Variants in ULK4 observed in about 807,000 individuals in gnomAD.
The protein encoded by ULK4 is inactive serine/threonine-protein kinase ULK4.
ULK4 carries 133 observed loss-of-function variants against 160.6 expected under a neutral mutation model. The observed-to-expected ratio is 0.83, with a 90% CI of 0.72 to 0.96. The LOEUF is 0.96. Among genes scored for constraint, ULK4 ranks in the 40% least tolerant of loss-of-function variants. ULK4 has a pLI of 0.00. For synonymous variants in ULK4, 534 were observed against 539.8 expected, an observed-to-expected ratio of 0.99 and a Z score of 0.15; for missense variants, 1,580 against 1,499.5, an observed-to-expected ratio of 1.05 and a Z score of -0.89.
chr3:41,862,790 C>A, intron 17 of ULK4, among the ~76,000 whole-genome samples: 1 of 73,762 alleles, frequency 1.4e-5, no homozygotes, highest in Admixed American at 1.1e-4. Flanking sequence ...TCTCTCCGCT[C>A]CCCCCCCCCT....
intron 2 of ULK4, among the ~76,000 whole-genome samples, chr3:41,951,144 CAAAA>C (rs34524276): frequency 4.6e-5 from 3 of 64,658 alleles, no homozygotes; most frequent in South Asian, 9.4e-4. Flanking sequence ...GGCTTCGTCT[CAAAA>C]AAAAAAAAAA....
At chr3:41,816,505 A>AT (rs1287349830) in intron 19 of ULK4, among the ~76,000 whole-genome samples, 10 of 152,198 alleles carry the variant, frequency 6.6e-5, no homozygotes, top group Admixed American at 5.2e-4. Flanking sequence ...AATCAGAGAA[A>AT]TACATGTTAA....
chr3:41,503,586 C>T (rs1182107082), intron 32 of ULK4, among the ~76,000 whole-genome samples: 3 of 152,180 alleles, frequency 2.0e-5, no homozygotes, highest in Admixed American at 1.3e-4. Context: ...TGCCAGCTGT[C>T]AGCTCTAGCT....
Position 41,620,618 on chromosome 3 carries a change from AAAT to A in ULK4, c.3072-4904_3072-4902del, listed in dbSNP as rs577228769. On this transcript the variant is annotated intron_variant, in intron 30 of 36. Coordinates refer to ENST00000301831, the MANE Select transcript of ULK4 (RefSeq NM_017886.4). The stretch of plus-strand genomic sequence containing the variant: ...CTAGGTATTGATGGAACATATGTCA[AAAT>A]AATAAGCGCTATGTATGACAAACCT... Among the ~76,000 whole-genome samples, 251 of 152,320 alleles carry A rather than the reference AAAT, an allele frequency of 1.6e-3. 1 individual carries two copies. The highest frequency in any genetic ancestry group is 4.9e-3 in the Admixed American group (75 of 15,288).
intron 32 of ULK4, among the ~76,000 whole-genome samples, chr3:41,524,839 G>A (rs904657149): frequency 1.3e-5 from 2 of 152,306 alleles, no homozygotes; most frequent in African/African-American, 4.8e-5. Flanking sequence ...TCGGGAAGCT[G>A]AGGCAGGGGA....
chr3:41,370,802 A>G (rs1295228468), intron 35 of ULK4, among the ~76,000 whole-genome samples: 1 of 152,198 alleles, frequency 6.6e-6, no homozygotes, highest in African/African-American at 2.4e-5. Flanking sequence ...AGAACTGTTC[A>G]CTACCCTGAA....
chr3:41,485,938 C>A (rs531232057), intron 32 of ULK4, among the ~76,000 whole-genome samples: 8 of 152,214 alleles, frequency 5.3e-5, no homozygotes, highest in African/African-American at 1.9e-4. Context: ...TGGTTAAATG[C>A]AAAATAACAT....
chr3:41,907,781 C>T (rs148355173), intron 12 of ULK4, 64 bp downstream of exon 12: 4 of 1,051,990 alleles, frequency 3.8e-6, no homozygotes, highest in Non-Finnish European at 4.0e-6. Flanking sequence ...CATTTACCAA[C>T]TTACAATTAT....
At chr3:41,573,151 A>G (rs1360742917) in intron 31 of ULK4, among the ~76,000 whole-genome samples, 1 of 152,246 alleles carries the variant, frequency 6.6e-6, no homozygotes, top group South Asian at 2.1e-4. Context: ...CATTAGAATT[A>G]AAGCAGCAAA....
chr3:41,592,678 C>T (rs1348480734), intron 31 of ULK4, among the ~76,000 whole-genome samples: 2 of 152,118 alleles, frequency 1.3e-5, no homozygotes, highest in Admixed American at 6.5e-5. Context: ...CACTTTAGTA[C>T]ACTGTAATTT....
At chr3:41,564,584 G>C (rs933372433) in intron 32 of ULK4, among the ~76,000 whole-genome samples, 14 of 146,536 alleles carry the variant, frequency 9.6e-5, no homozygotes, top group Non-Finnish European at 1.3e-4. Context: ...TCAGCCTCCC[G>C]AGTAGCTGGG....
chr3:41,255,623 G>A (rs2078820365), intron 35 of ULK4, among the ~76,000 whole-genome samples: 1 of 74,432 alleles, frequency 1.3e-5, no homozygotes, highest in Non-Finnish European at 4.6e-5. Flanking sequence ...GTAACTAGAG[G>A]TAAGGAGGGA....
intron 30 of ULK4, among the ~76,000 whole-genome samples, chr3:41,639,251 T>C (rs899054210): frequency 6.6e-5 from 10 of 152,252 alleles, no homozygotes; most frequent in Admixed American, 2.0e-4. Context: ...AACGACACCA[T>C]AGAAATTCTT....
chr3:41,522,410 G>A (rs2085963623), intron 32 of ULK4, among the ~76,000 whole-genome samples: 1 of 151,994 alleles, frequency 6.6e-6, no homozygotes, highest in South Asian at 2.1e-4. Flanking sequence ...AAAGTGCTGG[G>A]ATTTCAGGCG....
chr3:41,274,014 C>G (rs1213029314), intron 35 of ULK4, among the ~76,000 whole-genome samples: 2 of 152,020 alleles, frequency 1.3e-5, no homozygotes, highest in Non-Finnish European at 2.9e-5. Context: ...TATAAATTAC[C>G]CAGTCTCAGG....
chr3:41,246,913 C>T lies in ULK4; in HGVS notation c.*16G>A. On this transcript the variant is annotated 3_prime_UTR_variant, in exon 37 of 37. Coordinates refer to ENST00000301831, the MANE Select transcript of ULK4 (RefSeq NM_017886.4). Reference sequence around the variant, plus strand: ...GCTGGGGCCACAGGGCGGGCTTGTGCTAAGCACCTTCTTGCCTAGTGCCCA... The same window carrying T: ...GCTGGGGCCACAGGGCGGGCTTGTGTTAAGCACCTTCTTGCCTAGTGCCCA... 5 of 1,612,808 alleles carry T rather than the reference C, an allele frequency of 3.1e-6. No homozygotes were observed. The highest frequency in any genetic ancestry group is 4.2e-6 in the Non-Finnish European group (5 of 1,179,598).
intron 34 of ULK4, among the ~76,000 whole-genome samples, chr3:41,426,446 C>G (rs1461651626): frequency 6.6e-6 from 1 of 152,112 alleles, no homozygotes; most frequent in Non-Finnish European, 1.5e-5. Flanking sequence ...CAGAACTCTC[C>G]CGGACAAACA....
At chr3:41,902,473 G>C (rs1698406420) in intron 12 of ULK4, among the ~76,000 whole-genome samples, 1 of 151,840 alleles carries the variant, frequency 6.6e-6, no homozygotes, top group Admixed American at 6.6e-5. Context: ...AGCTACTTAG[G>C]GGGCTGAGGC....
Position 41,387,704 on chromosome 3 carries a change from C to T in ULK4, c.3678+10375G>A, listed in dbSNP as rs577269267. 4.1e-3 allele frequency among the ~76,000 whole-genome samples: 626 copies of T among 152,292 alleles called. 2 individuals are homozygous for T. The highest frequency in any genetic ancestry group is 0.014 in the African/African-American group (598 of 41,548). On this transcript the variant is annotated intron_variant, in intron 35 of 36. Coordinates refer to ENST00000301831, the MANE Select transcript of ULK4 (RefSeq NM_017886.4). Reference sequence around the variant, plus strand: ...CATGTCCCTACAAAGAACATGAACTCATCCTTTTTTATGGCTGCATAGTAT... The same window carrying T: ...CATGTCCCTACAAAGAACATGAACTTATCCTTTTTTATGGCTGCATAGTAT...
Sources: gnomAD v4.1 joint callset for allele counts (sites outside exome capture counted in the v4.1 genomes callset) on GRCh38, gnomAD v4.1.1 for gene constraint, MANE v1.5 for transcripts, NCBI Gene and HGNC (gene_info 2026-07-23, HGNC 2026-07-21) for gene names.